Variants in ROPN1L observed in about 807,000 individuals in gnomAD.
ROPN1L encodes the protein ropporin-1-like protein.
Under a neutral mutation model 22.7 loss-of-function variants are expected in ROPN1L, and 23 were observed. That is an observed-to-expected ratio of 1.01 (90% CI 0.73 to 1.43). ROPN1L has a LOEUF of 1.43. Ranked by LOEUF, ROPN1L falls within the 40% of genes most tolerant of loss-of-function variation. ROPN1L has a pLI of 0.00. For synonymous variants in ROPN1L, 116 were observed against 117.8 expected, an observed-to-expected ratio of 0.98 and a Z score of 0.10; for missense variants, 271 against 291.5, an observed-to-expected ratio of 0.93 and a Z score of 0.51.
At chr5:10,474,967 A>C (rs1735299999), downstream of ROPN1L, among the ~76,000 whole-genome samples, 1 of 152,264 alleles carries the variant, frequency 6.6e-6, no homozygotes, top group Non-Finnish European at 1.5e-5. Context: ...AAAATAGAGA[A>C]CAGATGGGCA....
At chr5:10,468,644 C>A (rs936788050), downstream of ROPN1L, among the ~76,000 whole-genome samples, 1 of 152,162 alleles carries the variant, frequency 6.6e-6, no homozygotes, top group African/African-American at 2.4e-5. Context: ...ATAAACTGTT[C>A]AGGTGGCTGG....
the ROPN1L span, chr5:10,479,550 C>T: frequency 1.3e-5 from 2 of 152,226 alleles, no homozygotes; most frequent in African/African-American, 2.4e-5. Context: ...GGGGCTGCCA[C>T]ACCTGCTTCC....
At chr5:10,444,515 T>G (rs1176116360) in intron 1 of ROPN1L, among the ~76,000 whole-genome samples, 4 of 150,780 alleles carry the variant, frequency 2.7e-5, no homozygotes, top group African/African-American at 4.9e-5. Flanking sequence ...AGTCTCGAAC[T>G]CCTGACCTCA....
At chr5:10,479,587 C>T in the ROPN1L span, among the ~76,000 whole-genome samples, 1 of 152,156 alleles carries the variant, frequency 6.6e-6, no homozygotes, top group Non-Finnish European at 1.5e-5. Context: ...GAGCACAGGA[C>T]GCCAGGCTGG....
chr5:10,456,517 C>G (rs1741426122), intron 3 of ROPN1L, among the ~76,000 whole-genome samples: 1 of 152,112 alleles, frequency 6.6e-6, no homozygotes, highest in South Asian at 2.1e-4. Context: ...ATAAGTGCAG[C>G]TTGCCAGTCA....
intron 2 of ROPN1L, among the ~76,000 whole-genome samples, chr5:10,449,269 A>G (rs566287098): frequency 4.6e-5 from 7 of 152,372 alleles, no homozygotes; most frequent in African/African-American, 1.7e-4. Flanking sequence ...CTTTAATCCC[A>G]GTACTTTGGG....
At chr5:10,481,294 G>T in the ROPN1L span, among the ~76,000 whole-genome samples, 822 of 152,370 alleles carry the variant, frequency 5.4e-3, 8 homozygotes, top group African/African-American at 0.018. Flanking sequence ...CAGTTCCCAG[G>T]AGGAGGGGCC....
At chr5:10,467,867 A>T (rs1349671540), downstream of ROPN1L, among the ~76,000 whole-genome samples, 1 of 152,134 alleles carries the variant, frequency 6.6e-6, no homozygotes, top group African/African-American at 2.4e-5. Context: ...CATTCGGAGG[A>T]TAAGCACTCA....
downstream of ROPN1L, among the ~76,000 whole-genome samples, chr5:10,475,245 T>G (rs1735303396): frequency 1.3e-5 from 2 of 152,218 alleles, no homozygotes; most frequent in Admixed American, 6.5e-5. Context: ...AAGACCTGGA[T>G]CTCAGCTCAG....
chr5:10,449,467 C>T (rs1050518265), intron 2 of ROPN1L, among the ~76,000 whole-genome samples: 1 of 151,896 alleles, frequency 6.6e-6, no homozygotes, highest in Non-Finnish European at 1.5e-5. Flanking sequence ...TGCAGTGAGC[C>T]GAAATCATGC....
chr5:10,469,872 G>A (rs1457955486), downstream of ROPN1L, among the ~76,000 whole-genome samples: 2 of 152,200 alleles, frequency 1.3e-5, no homozygotes, highest in East Asian at 3.8e-4. Context: ...GAGGTGGCTG[G>A]GCAGGGCCAA....
chr5:10,477,999 G>C, the ROPN1L span: 1 of 152,242 alleles, frequency 6.6e-6, no homozygotes, highest in South Asian at 2.1e-4. Context: ...TTAATCAGCA[G>C]CGAGCACATC....
At chr5:10,447,704 A>G (rs757961117) in intron 1 of ROPN1L, among the ~76,000 whole-genome samples, 22 of 152,206 alleles carry the variant, frequency 1.4e-4, no homozygotes, top group Non-Finnish European at 4.4e-5. Context: ...GAACAAGACC[A>G]CATCTCTGTA....
At chr5:10,458,998 C>T (rs960282185) in intron 3 of ROPN1L, among the ~76,000 whole-genome samples, 2 of 145,872 alleles carry the variant, frequency 1.4e-5, no homozygotes, top group Admixed American at 1.4e-4. Flanking sequence ...CCCCATCTCG[C>T]CCATGCTCCC....
At chr5:10,477,862 A>G in the ROPN1L span, among the ~76,000 whole-genome samples, 1 of 152,204 alleles carries the variant, frequency 6.6e-6, no homozygotes, top group African/African-American at 2.4e-5. Flanking sequence ...CCCGGGAGGC[A>G]GAGGTTGCAG....
chr5:10,451,928 A>AATCTATCTATCTATCTATCT (rs70947207), intron 3 of ROPN1L, among the ~76,000 whole-genome samples: 5,532 of 150,592 alleles, frequency 0.037, 131 homozygotes, highest in Middle Eastern at 0.055. Context: ...AACTCTGTGA[A>AATCTATCTATCTATCTATCT]ATCTATCTAT....
intron 4 of ROPN1L, among the ~76,000 whole-genome samples, chr5:10,471,108 T>C (rs141310868): frequency 6.6e-6 from 1 of 152,216 alleles, no homozygotes; most frequent in African/African-American, 2.4e-5. Context: ...CAGTGATGAG[T>C]GGGAGAATTT....
intron 1 of ROPN1L, among the ~76,000 whole-genome samples, chr5:10,443,636 A>G (rs1740960688): frequency 6.6e-6 from 1 of 152,150 alleles, no homozygotes; most frequent in Non-Finnish European, 1.5e-5. Context: ...CTCAAAAAAA[A>G]AAAAAACACA....
At chr5:10,448,892 C>G (rs1741165630) in intron 2 of ROPN1L, among the ~76,000 whole-genome samples, 1 of 152,208 alleles carries the variant, frequency 6.6e-6, no homozygotes, top group East Asian at 1.9e-4. Context: ...CTTCTTTGCC[C>G]CACACGCCAT....
Sources: gnomAD v4.1 joint callset for allele counts (sites outside exome capture counted in the v4.1 genomes callset) on GRCh38, gnomAD v4.1.1 for gene constraint, MANE v1.5 for transcripts, NCBI Gene and HGNC (gene_info 2026-07-23, HGNC 2026-07-21) for gene names.